Variants in ZNF512 observed in about 807,000 individuals in gnomAD.
The protein encoded by ZNF512 is zinc finger protein 512.
Under a neutral mutation model 77.5 loss-of-function variants are expected in ZNF512, and 25 were observed. The observed-to-expected ratio is 0.32, with a 90% confidence interval of 0.23 to 0.45. The LOEUF is 0.45. ZNF512 is among the 20% of genes least tolerant of loss of function. The pLI is 1.00. For missense variants in ZNF512, 483 were observed against 692.6 expected (o/e 0.70, Z 3.40); for synonymous variants, 246 against 239.9 (o/e 1.03, Z -0.24).
At chr2:27,620,159 A>G (rs1288086248) in intron 13 of ZNF512, among the ~76,000 whole-genome samples, 1 of 152,210 alleles carries the variant, frequency 6.6e-6, no homozygotes, top group African/African-American at 2.4e-5. Flanking sequence ...AGCCCAATAT[A>G]TCTAAAATTA....
intron 2 of ZNF512, among the ~76,000 whole-genome samples, chr2:27,588,411 G>A (rs1241934259): frequency 2.6e-5 from 4 of 151,902 alleles, no homozygotes; most frequent in Non-Finnish European, 5.9e-5. Context: ...AGTTTTATAG[G>A]TTTTATATTT....
At chr2:27,583,515 T>G (rs908576303) in intron 1 of ZNF512, 143 bp from the exon 2 acceptor site, 1 of 1,504,220 alleles carries the variant, frequency 6.6e-7, no homozygotes, top group Non-Finnish European at 8.8e-7. Context: ...GACAGCATAT[T>G]TTTCCTAAAA....
chr2:27,616,188 A>C, intron 11 of ZNF512, 74 bp from the exon 12 acceptor site: 1 of 1,049,012 alleles, frequency 9.5e-7, no homozygotes, highest in Non-Finnish European at 1.4e-6. Flanking sequence ...GGAGTTGGTC[A>C]GTGTAAATGG....
chr2:27,612,726 A>G (rs1026339640), intron 10 of ZNF512, among the ~76,000 whole-genome samples: 7 of 152,202 alleles, frequency 4.6e-5, no homozygotes, highest in African/African-American at 1.7e-4. Flanking sequence ...CTTGTAAAAA[A>G]CAAATTTTCT....
At chr2:27,589,210 A>G (rs1222621843) in intron 2 of ZNF512, among the ~76,000 whole-genome samples, 2 of 152,150 alleles carry the variant, frequency 1.3e-5, no homozygotes, top group African/African-American at 4.8e-5. Flanking sequence ...ACCTATTGCA[A>G]TGGCATTCAG....
intron 9 of ZNF512, 132 bp downstream of exon 9, chr2:27,603,439 CTCT>C: frequency 1.1e-6 from 1 of 934,222 alleles, no homozygotes; most frequent in Non-Finnish European, 1.5e-6. Context: ...TGTGTGTTGT[CTCT>C]TCTTTATTCG....
intron 2 of ZNF512, among the ~76,000 whole-genome samples, chr2:27,585,006 T>C (rs138359565): frequency 6.6e-6 from 1 of 152,292 alleles, no homozygotes; most frequent in East Asian, 1.9e-4. Flanking sequence ...GAGGTTATTA[T>C]GATAACCTAA....
chr2:27,600,908 G>T, intron 6 of ZNF512, 93 bp downstream of exon 6: 1 of 1,448,202 alleles, frequency 6.9e-7, no homozygotes, highest in Non-Finnish European at 9.3e-7. Context: ...TATAATGGAT[G>T]AAAAGCAGCA....
chr2:27,585,485 A>C (rs1236822605), intron 2 of ZNF512, among the ~76,000 whole-genome samples: 3 of 152,224 alleles, frequency 2.0e-5, no homozygotes. Context: ...AGGGCATAGA[A>C]ATCTTTACTT....
chr2:27,608,766 G>A (rs1378911169), intron 10 of ZNF512, among the ~76,000 whole-genome samples: 2 of 152,072 alleles, frequency 1.3e-5, no homozygotes, highest in Non-Finnish European at 2.9e-5. Flanking sequence ...GTATCAAGAA[G>A]TTCACATTTG....
chr2:27,614,438 AT>A, intron 10 of ZNF512, among the ~76,000 whole-genome samples: 1 of 152,238 alleles, frequency 6.6e-6, no homozygotes, highest in East Asian at 1.9e-4. Context: ...TTGAACCTTA[AT>A]TTTTTTGTTT....
chr2:27,610,823 C>T lies in ZNF512; in HGVS notation c.1131+2784C>T, dbSNP rs144879243. On this transcript the variant is annotated intron_variant, in intron 10 of 13. Coordinates refer to ENST00000355467, the MANE Select transcript of ZNF512 (RefSeq NM_032434.4). The stretch of plus-strand genomic sequence containing the variant: ...CTGAGCTCAGGCAATTCGCCTGCCT[C>T]GGCCTCCTGAAGTGCTAGGATTACA... 3.7e-3 allele frequency among the ~76,000 whole-genome samples: 566 copies of T among 151,478 alleles called. 1 individual carries two copies. Among genetic ancestry groups the T allele is most frequent in the Non-Finnish European group, 6.1e-3 (411 of 67,860 alleles).
chr2:27,586,656 C>T (rs186034415), intron 2 of ZNF512, among the ~76,000 whole-genome samples: 3 of 152,288 alleles, frequency 2.0e-5, no homozygotes, highest in East Asian at 1.9e-4. Flanking sequence ...ATATTTAAAG[C>T]GTACACTATG....
Position 27,621,546 on chromosome 2 carries a change from C to A in ZNF512, c.*85C>A. The stretch of plus-strand genomic sequence containing the variant: ...GTGCTGGGAGGACTGAGTGAAGATT[C>A]TTTCAGCTGTTTGTGTAAGGCTGTG... On this transcript the variant is annotated 3_prime_UTR_variant, in exon 14 of 14. Transcript: ENST00000355467. The A allele has an allele frequency of 1.5e-6, 2 of 1,379,278 alleles. No individual in the cohort carries two copies. The highest frequency in any genetic ancestry group is 9.6e-7 in the Non-Finnish European group (1 of 1,038,198). The allele number at this position is 1,379,278 out of a possible 1,614,324, so 85.4% of individuals were successfully genotyped here.
intron 2 of ZNF512, among the ~76,000 whole-genome samples, chr2:27,592,667 CTTTTTTTTTT>C (rs139890307): frequency 1.3e-4 from 11 of 81,554 alleles, no homozygotes; most frequent in South Asian, 4.3e-4. Context: ...CCATGTTTAC[CTTTTTTTTTT>C]TTTTTTTTTT....
intron 9 of ZNF512, among the ~76,000 whole-genome samples, chr2:27,606,522 T>G (rs929859319): frequency 1.3e-5 from 2 of 152,046 alleles, no homozygotes; most frequent in African/African-American, 4.8e-5. Flanking sequence ...CCACCGTGCC[T>G]GGCTAATTTT....
At position 27,619,098 on chromosome 2, in the gene ZNF512, G is replaced by A. The variant is rs1203453325; in HGVS notation, c.1395+1527G>A. ...TAGTAATAATAGCATATCTTTTTTT[G>A]CTTTAGGAAGTATTTAAAAGGTAAT... On this transcript the variant is annotated intron_variant, in intron 13 of 13. Coordinates refer to ENST00000355467, the MANE Select transcript of ZNF512 (RefSeq NM_032434.4). 3.3e-5 allele frequency among the ~76,000 whole-genome samples: 5 copies of A among 151,860 alleles called. No homozygotes were observed. In the South Asian group the frequency reaches 6.2e-4, roughly 19 times the overall value.
chr2:27,604,073 C>T (rs1271642230), intron 9 of ZNF512, among the ~76,000 whole-genome samples: 1 of 151,954 alleles, frequency 6.6e-6, no homozygotes, highest in African/African-American at 2.4e-5. Flanking sequence ...ATTACAGGTG[C>T]GTGCCACCAC....
chr2:27,619,642 T>C (rs1398830975), intron 13 of ZNF512, among the ~76,000 whole-genome samples: 1 of 152,162 alleles, frequency 6.6e-6, no homozygotes, highest in Non-Finnish European at 1.5e-5. Context: ...CTTTTTTTTT[T>C]TTAACAGAAA....
Sources: allele counts gnomAD v4.1 joint callset (sites outside exome capture counted in the v4.1 genomes callset), GRCh38; gene constraint gnomAD v4.1.1; transcripts MANE v1.5; gene names NCBI Gene and HGNC (gene_info 2026-07-23, HGNC 2026-07-21).